Variants in COL4A2 observed in about 807,000 individuals in gnomAD.
COL4A2 encodes collagen alpha-2(IV) chain.
COL4A2 carries 99 observed loss-of-function variants against 200.2 expected under a neutral mutation model. The observed-to-expected ratio is 0.49, with a 90% CI of 0.42 to 0.58. COL4A2 has a LOEUF of 0.58. COL4A2 is among the 20% of genes least tolerant of loss of function. COL4A2 has a pLI of 0.00. For missense variants in COL4A2, 1,950 were observed against 2,314.1 expected (o/e 0.84, Z 3.23); for synonymous variants, 897 against 900.6 (o/e 1.00, Z 0.07).
chr13:110,330,622 C>T (rs948747156), intron 3 of COL4A2, among the ~76,000 whole-genome samples: 10 of 152,200 alleles, frequency 6.6e-5, no homozygotes, highest in African/African-American at 2.4e-4. Flanking sequence ...TGTCCGATGT[C>T]TGTCTACCTC....
At chr13:110,455,159 C>T (rs572596153) in intron 20 of COL4A2, among the ~76,000 whole-genome samples, 1 of 152,318 alleles carries the variant, frequency 6.6e-6, no homozygotes, top group South Asian at 2.1e-4. Flanking sequence ...ACACGGCAGA[C>T]TCACATGGCA....
At chr13:110,321,178 A>ATG (rs10602824) in intron 3 of COL4A2, among the ~76,000 whole-genome samples, 48 of 149,870 alleles carry the variant, frequency 3.2e-4, no homozygotes, top group East Asian at 1.0e-3. Context: ...TATAGTGTGC[A>ATG]TGTGTGTGTG....
At chr13:110,360,655 C>T (rs1288431384) in intron 4 of COL4A2, among the ~76,000 whole-genome samples, 1 of 152,226 alleles carries the variant, frequency 6.6e-6, no homozygotes, top group African/African-American at 2.4e-5. Flanking sequence ...ATCTGATTAA[C>T]TTGAGTAATC....
chr13:110,470,193 G>A (rs1468637003), intron 28 of COL4A2, among the ~76,000 whole-genome samples: 2 of 152,142 alleles, frequency 1.3e-5, no homozygotes, highest in Admixed American at 6.6e-5. Context: ...TGGGATGACA[G>A]GCGTGAGCCA....
chr13:110,375,886 G>A (rs1878218567), intron 4 of COL4A2, among the ~76,000 whole-genome samples: 1 of 152,040 alleles, frequency 6.6e-6, no homozygotes, highest in African/African-American at 2.4e-5. Context: ...CTTTATACAG[G>A]AGTGGTCCGT....
chr13:110,413,132 G>T (rs1012269764), intron 4 of COL4A2, among the ~76,000 whole-genome samples: 3 of 152,166 alleles, frequency 2.0e-5, no homozygotes, highest in African/African-American at 7.2e-5. Flanking sequence ...CTGCTGCTCG[G>T]CATCAGAAAT....
At chr13:110,467,813 C>G (rs559310572) in intron 27 of COL4A2, among the ~76,000 whole-genome samples, 25 of 152,372 alleles carry the variant, frequency 1.6e-4, no homozygotes, top group African/African-American at 5.8e-4. Flanking sequence ...AGAGGTGGCT[C>G]TATGCCTGTG....
chr13:110,442,257 A>G (rs1042332635), intron 16 of COL4A2, among the ~76,000 whole-genome samples: 2 of 152,228 alleles, frequency 1.3e-5, no homozygotes, highest in Non-Finnish European at 2.9e-5. Context: ...TTCCCAGCTT[A>G]CTTTCTGCAG....
At chr13:110,319,140 CT>C in intron 3 of COL4A2, among the ~76,000 whole-genome samples, 1 of 152,064 alleles carries the variant, frequency 6.6e-6, no homozygotes, top group Non-Finnish European at 1.5e-5. Flanking sequence ...AGGTTTTAGT[CT>C]TCACGATTCT....
chr13:110,458,016 C>T (rs1881845044), intron 21 of COL4A2: 2 of 426,442 alleles, frequency 4.7e-6, no homozygotes, highest in Middle Eastern at 7.2e-4. Context: ...GCTCTGTGGG[C>T]CCTGGTGTGG....
Position 110,385,537 on chromosome 13 carries a change from A to G in COL4A2, c.180+27985A>G, listed in dbSNP as rs796642495. Among the ~76,000 whole-genome samples the G allele has an allele frequency of 1.3e-3, 112 of 84,762 alleles. 1 individual carries two copies. The highest frequency in any genetic ancestry group is 6.0e-3 in the Middle Eastern group (1 of 168). The allele number at this position is 84,762 out of a possible 152,430, so 55.6% of individuals were successfully genotyped here. On this transcript the variant is annotated intron_variant, in intron 4 of 47. Coordinates refer to ENST00000360467, the MANE Select transcript of COL4A2 (RefSeq NM_001846.4). The stretch of plus-strand genomic sequence containing the variant: ...TAGGCCGTGGTTACAGTGCGTGGAT[A>G]GGCCGTGGTTGCAGTGTGTGGATAG...
rs374481829 is a variant in COL4A2, at chr13:110,316,542, A to C, written c.99+8419A>C. On this transcript the variant is annotated intron_variant, in intron 3 of 47. Transcript: ENST00000360467. ...GTGAAAGGAAGAGGTCCCCTGGGAG[A>C]TTCTTTGTGGGATCACCAGAACCAA... Among the ~76,000 whole-genome samples, 6 of 152,234 alleles carry C rather than the reference A, an allele frequency of 3.9e-5. No homozygotes were observed. In the East Asian group the frequency reaches 1.2e-3, roughly 29 times the overall value.
rs767050469 is a variant in COL4A2 at position 110,473,068 on chromosome 13, C to T, written c.2343C>T (p.Pro781=). The T allele has an allele frequency of 2.0e-5, 31 of 1,536,076 alleles. 1 individual carries two copies. The highest frequency in any genetic ancestry group is 8.3e-5 in the Admixed American group (4 of 48,002). ...GLPGEVLGAQ[P]GPRGDAGVPG... ...CTGGAGAAGTCCTGGGAGCTCAGCCCGGGCCACGGGGAGATGCTGGTGTGC... is the reference window on the plus strand; with the variant it reads ...CTGGAGAAGTCCTGGGAGCTCAGCCTGGGCCACGGGGAGATGCTGGTGTGC... Residue 781 remains proline, a synonymous_variant, in exon 29 of 48, where the codon CCC becomes CCT. Coordinates refer to ENST00000360467, the MANE Select transcript of COL4A2 (RefSeq NM_001846.4).
intron 3 of COL4A2, among the ~76,000 whole-genome samples, chr13:110,340,380 TTACTC>T (rs769578953): frequency 6.6e-6 from 1 of 152,136 alleles, no homozygotes; most frequent in Non-Finnish European, 1.5e-5. Flanking sequence ...CAAGGACAAT[TTACTC>T]TAGCCACAGA....
intron 24 of COL4A2, among the ~76,000 whole-genome samples, chr13:110,462,865 C>T (rs902168213): frequency 1.1e-4 from 16 of 152,314 alleles, no homozygotes; most frequent in Admixed American, 9.8e-4. Flanking sequence ...GACAAGACCC[C>T]TTCCTGTGCA....
intron 37 of COL4A2, among the ~76,000 whole-genome samples, chr13:110,491,843 T>C (rs1186748271): frequency 6.6e-6 from 1 of 152,220 alleles, no homozygotes; most frequent in Non-Finnish European, 1.5e-5. Flanking sequence ...AACTACACGC[T>C]ATTTTCTCTC....
chr13:110,386,874 A>G (rs1048806587), intron 4 of COL4A2, among the ~76,000 whole-genome samples: 2 of 152,200 alleles, frequency 1.3e-5, no homozygotes, highest in Non-Finnish European at 2.9e-5. Context: ...AAGGGCTGCT[A>G]GAAGGGTCTA....
Position 110,465,416 on chromosome 13 carries a change from C to T in COL4A2, c.1788C>T (p.Ile596=). The change falls in exon 25 of 48, where the codon ATC becomes ATT. Residue 596 remains isoleucine (I), a synonymous_variant. Transcript: ENST00000360467. ...PGLPGPPGDG[I]KGPPGDPGYP... ...GAATTTTCACACAGGGTGATGGCATCAAGGGCCCTCCAGGGGACCCAGGCT... is the reference window on the plus strand; with the variant it reads ...GAATTTTCACACAGGGTGATGGCATTAAGGGCCCTCCAGGGGACCCAGGCT... 3 of 1,609,796 alleles carry T rather than the reference C, an allele frequency of 1.9e-6. No individual in the cohort carries two copies. The highest frequency in any genetic ancestry group is 2.5e-6 in the Non-Finnish European group (3 of 1,178,820).
At chr13:110,441,835 G>GT (rs1233149950) in intron 16 of COL4A2, among the ~76,000 whole-genome samples, 1 of 151,644 alleles carries the variant, frequency 6.6e-6, no homozygotes, top group Non-Finnish European at 1.5e-5. Flanking sequence ...AATCCCAGCA[G>GT]TTTGGGAGGC....
Sources: gnomAD v4.1 joint callset for allele counts (sites outside exome capture counted in the v4.1 genomes callset) on GRCh38, gnomAD v4.1.1 for gene constraint, MANE v1.5 for transcripts, NCBI Gene and HGNC (gene_info 2026-07-23, HGNC 2026-07-21) for gene names.